Variants in CACNA1C observed in about 807,000 individuals in gnomAD.
CACNA1C encodes the protein voltage-dependent L-type calcium channel subunit alpha-1C.
In CACNA1C, 30 loss-of-function variants were observed where a neutral mutation model predicts 229.0. The observed-to-expected ratio is 0.13, with a 90% CI of 0.10 to 0.18. CACNA1C has a LOEUF of 0.18. Ranked by LOEUF, CACNA1C falls within the 10% of genes least tolerant of loss-of-function variation. The probability of loss-of-function intolerance (pLI) is 1.00; values close to 1 mark genes in which losing one functional copy is unlikely to be tolerated. For synonymous variants in CACNA1C, 1,114 were observed against 1,132.5 expected, an observed-to-expected ratio of 0.98 and a Z score of 0.33; for missense variants, 1,658 against 2,845.0, an observed-to-expected ratio of 0.58 and a Z score of 9.49.
Position 2,486,613 on chromosome 12 carries a change from G to A in CACNA1C, c.916+351G>A, listed in dbSNP as rs754466755. ...TAAGAATCAGAGCTGACCTGGGGTC[G>A]TCAGTCTCTGCTCCTTCCATGCTTC... is the stretch of plus-strand genomic sequence containing the variant. On this transcript the variant is annotated intron_variant, in intron 6 of 46. Transcript: ENST00000399655. This position sits in a 1 kb window ranked among gnomAD's most constrained non-coding sequence, Gnocchi z 4.9. Among the ~76,000 whole-genome samples, 24 of 152,204 alleles carry A rather than the reference G, an allele frequency of 1.6e-4. No individual in the cohort carries two copies. The highest frequency in any genetic ancestry group is 4.1e-4 in the African/African-American group (17 of 41,450).
At chr12:2,262,069 G>C (rs1192563634) in intron 3 of CACNA1C, among the ~76,000 whole-genome samples, 1 of 152,248 alleles carries the variant, frequency 6.6e-6, no homozygotes, top group East Asian at 1.9e-4. Flanking sequence ...GGCTAAAGAG[G>C]GCAGGCAGAG....
At chr12:2,375,200 G>T (rs1400292134) in intron 3 of CACNA1C, among the ~76,000 whole-genome samples, 2 of 152,222 alleles carry the variant, frequency 1.3e-5, no homozygotes, top group African/African-American at 4.8e-5. Context: ...CATGTGCTGA[G>T]CGGCTGCCAA....
chr12:2,317,282 G>A (rs1271087441), intron 3 of CACNA1C, among the ~76,000 whole-genome samples: 1 of 152,184 alleles, frequency 6.6e-6, no homozygotes, highest in African/African-American at 2.4e-5. Context: ...ACAGATGAAT[G>A]GATAAGCAAA....
At chr12:2,485,185 G>T (rs1019943943) in intron 5 of CACNA1C, among the ~76,000 whole-genome samples, 1 of 152,072 alleles carries the variant, frequency 6.6e-6, no homozygotes, top group Non-Finnish European at 1.5e-5. Context: ...CACTCAGGGT[G>T]ACTTTCTGCA....
intron 3 of CACNA1C, among the ~76,000 whole-genome samples, chr12:2,293,323 C>T (rs1449091012): frequency 6.6e-6 from 1 of 152,216 alleles, no homozygotes; most frequent in Non-Finnish European, 1.5e-5. Flanking sequence ...AGCTTTTATA[C>T]ATATGGCCAA....
chr12:2,210,230 T>C (rs1049970487), intron 3 of CACNA1C, among the ~76,000 whole-genome samples: 3 of 152,216 alleles, frequency 2.0e-5, no homozygotes, highest in African/African-American at 4.8e-5. Flanking sequence ...CAAGTGAGAA[T>C]TGGGGTATGC....
intron 11 of CACNA1C, among the ~76,000 whole-genome samples, chr12:2,562,737 G>A (rs11062278): frequency 0.21 from 31,626 of 152,098 alleles, 3,776 homozygotes; most frequent in African/African-American, 0.32. Context: ...GTTTTAAATT[G>A]TTAATGTTTA....
At chr12:2,390,190 A>G (rs989144972) in intron 3 of CACNA1C, among the ~76,000 whole-genome samples, 6 of 152,168 alleles carry the variant, frequency 3.9e-5, no homozygotes, top group African/African-American at 1.4e-4. Flanking sequence ...TAGGGCGACC[A>G]TGTAATTTTG....
Position 2,216,150 on chromosome 12 carries a change from C to T in CACNA1C, c.477+95720C>T, listed in dbSNP as rs147965960. Among the ~76,000 whole-genome samples the T allele has an allele frequency of 3.7e-3, 568 of 152,178 alleles. 2 individuals are homozygous for T. The highest frequency in any genetic ancestry group is 0.013 in the African/African-American group (559 of 41,516). On this transcript the variant is annotated intron_variant, in intron 3 of 46. Coordinates refer to ENST00000399655, the MANE Select transcript of CACNA1C (RefSeq NM_000719.7). ...ACTAGCTGGGAGTCTTGGGCAAGAGCGAGGGGAGGCCAGGGCTTAGGGATG... is the reference window on the plus strand; with the variant it reads ...ACTAGCTGGGAGTCTTGGGCAAGAGTGAGGGGAGGCCAGGGCTTAGGGATG...
rs1306212126 is a variant in CACNA1C at position 2,633,553 on chromosome 12, G to C, written c.3829-744G>C. The C allele has an allele frequency of 2.3e-6, 2 of 868,242 alleles. No individual in the cohort carries two copies. The highest frequency in any genetic ancestry group is 3.9e-6 in the Non-Finnish European group (2 of 509,208). The allele number at this position is 868,242 out of a possible 1,614,324, so 53.8% of individuals were successfully genotyped here. ...ACGGAGGTGCCTGGACGATGATTCT[G>C]ATGGTGGTGTTGCTCTGTTCTTGTC... On this transcript the variant is annotated intron_variant, in intron 29 of 46. Transcript: ENST00000399655. This position sits in a 1 kb window ranked among gnomAD's most constrained non-coding sequence, Gnocchi z 5.8.
At chr12:2,163,064 G>C (rs2095985114) in intron 3 of CACNA1C, among the ~76,000 whole-genome samples, 1 of 152,010 alleles carries the variant, frequency 6.6e-6, no homozygotes, top group African/African-American at 2.4e-5. Context: ...CAGGCGTGGT[G>C]GTGCATGCTT....
At position 2,567,564 on chromosome 12, in the gene CACNA1C, G is replaced by A; in HGVS notation, c.1670-5G>A. ...CGGATCTCATCCCTCTCCTGGGCCTGCCAGACACGGCAAACAAGGCCCTGC... is the reference window on the plus strand; with the variant it reads ...CGGATCTCATCCCTCTCCTGGGCCTACCAGACACGGCAAACAAGGCCCTGC... On this transcript the variant is annotated splice_region_variant and splice_polypyrimidine_tract_variant and intron_variant, in intron 12 of 46. Transcript: ENST00000399655. The A allele has an allele frequency of 1.3e-6, 2 of 1,571,660 alleles. No homozygotes were observed. The highest frequency in any genetic ancestry group is 1.7e-6 in the Non-Finnish European group (2 of 1,156,686).
At chr12:2,548,697 T>A (rs2099887999) in intron 9 of CACNA1C, among the ~76,000 whole-genome samples, 1 of 152,190 alleles carries the variant, frequency 6.6e-6, no homozygotes, top group Non-Finnish European at 1.5e-5. Flanking sequence ...TTGAAATGAT[T>A]CTCTTCTCAC....
chr12:2,032,822 C>T (rs1039486255), intron 1 of CACNA1C, among the ~76,000 whole-genome samples: 31 of 152,188 alleles, frequency 2.0e-4, no homozygotes, highest in African/African-American at 6.5e-4. Context: ...AACATGAATG[C>T]GGCTTTTCAA....
chr12:2,687,532 G>A (rs1043578785), intron 45 of CACNA1C, among the ~76,000 whole-genome samples: 37 of 148,882 alleles, frequency 2.5e-4, no homozygotes, highest in Admixed American at 1.7e-3. Flanking sequence ...AGGGCGTACC[G>A]TGTGACTTTT....
rs1371783802 is a variant in CACNA1C at position 2,649,554 on chromosome 12, G to A, written c.3945+1047G>A. Among the ~76,000 whole-genome samples the A allele has an allele frequency of 6.6e-6, 1 of 152,202 alleles. No homozygotes were observed. The highest frequency in any genetic ancestry group is 2.4e-5 in the African/African-American group (1 of 41,448). On this transcript the variant is annotated intron_variant, in intron 31 of 46. Transcript: ENST00000399655. This position sits in a 1 kb window ranked among gnomAD's most constrained non-coding sequence, Gnocchi z 4.4. ...GTTATTTGGTTTATTAGAGCAAATT[G>A]GTGCATCCGAATGGCAGTGAGTTTA...
intron 3 of CACNA1C, among the ~76,000 whole-genome samples, chr12:2,261,712 A>G (rs567424254): frequency 2.0e-5 from 3 of 152,310 alleles, no homozygotes; most frequent in African/African-American, 7.2e-5. Context: ...TTCTATACAT[A>G]TATGGGCCAA....
At chr12:2,148,854 C>T (rs1421609083) in intron 3 of CACNA1C, among the ~76,000 whole-genome samples, 1 of 152,220 alleles carries the variant, frequency 6.6e-6, no homozygotes, top group African/African-American at 2.4e-5. Context: ...GGGACCTGTG[C>T]TTCCTTGGCT....
intron 3 of CACNA1C, among the ~76,000 whole-genome samples, chr12:2,316,837 A>C (rs562487598): frequency 3.3e-5 from 5 of 152,344 alleles, no homozygotes; most frequent in African/African-American, 9.6e-5. Flanking sequence ...AGGCACAAAA[A>C]GATGGCCAGG....
Sources: gnomAD v4.1 joint callset for allele counts (sites outside exome capture counted in the v4.1 genomes callset) on GRCh38, gnomAD v4.1.1 for gene constraint, Gnocchi (gnomAD v3.1) non-coding constraint, MANE v1.5 for transcripts, NCBI Gene and HGNC (gene_info 2026-07-23, HGNC 2026-07-21) for gene names.